The following FRMD4B variants were observed in gnomAD, a reference collection of about 807,000 sequenced individuals.
FRMD4B encodes the protein FERM domain containing 4B.
FRMD4B carries 74 observed loss-of-function variants against 141.5 expected under a neutral mutation model. The ratio of observed to expected loss-of-function variants is 0.52; its 90% confidence interval spans 0.43 to 0.63. The LOEUF (loss-of-function observed/expected upper bound fraction) is 0.63, where lower values mean the gene tolerates loss of function less well. Ranked by LOEUF, FRMD4B falls within the 30% of genes least tolerant of loss-of-function variation. The pLI, the probability that FRMD4B is intolerant of heterozygous loss-of-function variation, is 0.00. For synonymous variants in FRMD4B, 506 were observed against 467.9 expected, an observed-to-expected ratio of 1.08 and a Z score of -1.05; for missense variants, 1,366 against 1,253.4, an observed-to-expected ratio of 1.09 and a Z score of -1.36.
chr3:69,196,265 T>G lies in FRMD4B; in HGVS notation c.1224A>C (p.Leu408Phe). Residue 408 changes from leucine to phenylalanine, a missense_variant, in exon 14 of 23, where the codon TTA becomes TTC. Leu to Phe is a conservative substitution (Grantham distance 22). Coordinates refer to ENST00000398540, the MANE Select transcript of FRMD4B (RefSeq NM_015123.3). ...ATCCCAAGATGTTACCTGAGGAGAT[T>G]AAACTGCCATTACTTGCCATGATGA... ...SQFIMASNGSLISSGSQDSEV... is the reference protein window; with the variant it reads ...SQFIMASNGSFISSGSQDSEV... The G allele has an allele frequency of 6.2e-7, 1 of 1,602,388 alleles. No homozygotes were observed. The highest frequency in any genetic ancestry group is 8.5e-7 in the Non-Finnish European group (1 of 1,176,546).
intron 1 of FRMD4B, among the ~76,000 whole-genome samples, chr3:69,537,734 A>G (rs1701109777): frequency 6.6e-6 from 1 of 152,222 alleles, no homozygotes; most frequent in South Asian, 2.1e-4. Flanking sequence ...ATGAAAAATC[A>G]TATTGATAAT....
chr3:69,345,096 G>A (rs539566301), intron 1 of FRMD4B, among the ~76,000 whole-genome samples: 1 of 152,062 alleles, frequency 6.6e-6, no homozygotes, highest in Non-Finnish European at 1.5e-5. Context: ...GCAAAGTGAA[G>A]CTGTGACAGA....
chr3:69,170,136 C>A lies in FRMD4B; in HGVS notation c.*1725G>T, dbSNP rs191408041. ...TGTAAATATTTAAAAATGTACATCC[C>A]GGAATTAATAAAATACGGTAATACT... On this transcript the variant is annotated 3_prime_UTR_variant, in exon 23 of 23. Coordinates refer to ENST00000398540, the MANE Select transcript of FRMD4B (RefSeq NM_015123.3). The A allele has an allele frequency of 6.6e-6, 1 of 151,968 alleles. No homozygotes were observed. The highest frequency in any genetic ancestry group is 2.4e-5 in the African/African-American group (1 of 41,348). The allele number at this position is 151,968 out of a possible 1,614,324, so 9.4% of individuals were successfully genotyped here. A position where few individuals can be genotyped will look rare whatever the true frequency, so the allele number is the denominator to read the frequency against.
At chr3:69,251,208 A>G (rs1383720991) in intron 5 of FRMD4B, among the ~76,000 whole-genome samples, 1 of 152,204 alleles carries the variant, frequency 6.6e-6, no homozygotes, top group Non-Finnish European at 1.5e-5. Flanking sequence ...AGTACTTGAA[A>G]GGGCACAGTA....
intron 11 of FRMD4B, chr3:69,200,534 G>A (rs1188703868): frequency 3.6e-6 from 4 of 1,101,858 alleles, no homozygotes; most frequent in Non-Finnish European, 4.5e-6. Context: ...AAGACACTTA[G>A]GTGTAACTCA....
chr3:69,314,527 C>CAA (rs34513769), intron 1 of FRMD4B, among the ~76,000 whole-genome samples: 1,478 of 125,574 alleles, frequency 0.012, 24 homozygotes, highest in African/African-American at 0.039. Flanking sequence ...GACTCTGTCT[C>CAA]AAAAAAAAAA....
intron 1 of FRMD4B, among the ~76,000 whole-genome samples, chr3:69,321,663 A>C (rs1702002061): frequency 6.6e-6 from 1 of 152,180 alleles, no homozygotes; most frequent in Admixed American, 6.5e-5. Context: ...GAGTTAAGAA[A>C]TGTCTTAACT....
At chr3:69,403,233 C>T (rs932007969) in intron 2 of FRMD4B, among the ~76,000 whole-genome samples, 2 of 152,176 alleles carry the variant, frequency 1.3e-5, no homozygotes, top group Non-Finnish European at 2.9e-5. Context: ...AAAATCATTC[C>T]TTCCTGATAT....
At chr3:69,388,096 T>A (rs968062051), upstream of FRMD4B, among the ~76,000 whole-genome samples, 6 of 151,918 alleles carry the variant, frequency 3.9e-5, no homozygotes, top group Non-Finnish European at 8.8e-5. Flanking sequence ...TTTTTTTTTT[T>A]AAACGATGCA....
chr3:69,220,581 G>T (rs2093184283), intron 9 of FRMD4B, among the ~76,000 whole-genome samples: 1 of 152,320 alleles, frequency 6.6e-6, no homozygotes, highest in African/African-American at 2.4e-5. Context: ...GCTAGGCACA[G>T]TGGCCCATGT....
intron 2 of FRMD4B, among the ~76,000 whole-genome samples, chr3:69,430,437 C>A (rs1038812049): frequency 1.3e-5 from 2 of 152,174 alleles, no homozygotes; most frequent in African/African-American, 4.8e-5. Flanking sequence ...TTTTGTAAGA[C>A]TCCCTTCTAT....
intron 5 of FRMD4B, among the ~76,000 whole-genome samples, chr3:69,281,488 AAC>A (rs2093644146): frequency 2.0e-5 from 3 of 152,112 alleles, no homozygotes; most frequent in Non-Finnish European, 2.9e-5. Flanking sequence ...TGTGTTAGTC[AAC>A]CACAATTTAC....
intron 1 of FRMD4B, among the ~76,000 whole-genome samples, chr3:69,490,573 G>T (rs547262101): frequency 1.3e-5 from 2 of 152,258 alleles, no homozygotes; most frequent in South Asian, 4.2e-4. Flanking sequence ...CAAAAGAGAG[G>T]TCTTAGACTT....
intron 1 of FRMD4B, among the ~76,000 whole-genome samples, chr3:69,319,608 A>C (rs1701930335): frequency 6.6e-6 from 1 of 152,158 alleles, no homozygotes; most frequent in Non-Finnish European, 1.5e-5. Context: ...GAGGCACTTT[A>C]ATTATATCAA....
rs1243588660 is a variant in FRMD4B at position 69,171,997 on chromosome 3, A to T, written c.2985-16T>A. The T allele has an allele frequency of 6.2e-7, 1 of 1,612,278 alleles. No individual in the cohort carries two copies. Among genetic ancestry groups the T allele is most frequent in the Admixed American group, 1.7e-5 (1 of 59,966 alleles). On this transcript the variant is annotated splice_polypyrimidine_tract_variant and intron_variant, in intron 22 of 22. Transcript: ENST00000398540. The stretch of plus-strand genomic sequence containing the variant: ...TGTGTATTGTCTATTAAAGAAAACC[A>T]GAAAAGTTACTACTTGTGGCCATAT...
intron 5 of FRMD4B, among the ~76,000 whole-genome samples, chr3:69,267,261 T>C (rs2093566729): frequency 1.3e-5 from 2 of 152,012 alleles, no homozygotes; most frequent in Admixed American, 6.6e-5. Flanking sequence ...TCTTCAGAAA[T>C]ACCAGTGTAA....
intron 19 of FRMD4B, among the ~76,000 whole-genome samples, chr3:69,185,484 C>T (rs2092756624): frequency 1.3e-5 from 2 of 151,978 alleles, no homozygotes; most frequent in South Asian, 4.2e-4. Context: ...TACTTCCCAT[C>T]TTTGCTGAGA....
At chr3:69,427,659 T>G (rs1327456202) in intron 2 of FRMD4B, among the ~76,000 whole-genome samples, 1 of 127,766 alleles carries the variant, frequency 7.8e-6, no homozygotes. Context: ...TTTTTTTTTT[T>G]TTTTTTTTTT....
intron 1 of FRMD4B, among the ~76,000 whole-genome samples, chr3:69,528,311 C>CTCTCTCTT (rs1422596280): frequency 4.9e-5 from 7 of 142,486 alleles, no homozygotes; most frequent in Non-Finnish European, 7.5e-5. Flanking sequence ...TCCTTCCTTT[C>CTCTCTCTT]TCTCTCTTTC....
Sources: gnomAD v4.1 joint callset for allele counts (sites outside exome capture counted in the v4.1 genomes callset) on GRCh38, gnomAD v4.1.1 for gene constraint, MANE v1.5 for transcripts, NCBI Gene and HGNC (gene_info 2026-07-23, HGNC 2026-07-21) for gene names.